The following MAN1A2 variants were observed in gnomAD, a reference collection of about 807,000 sequenced individuals.
MAN1A2 encodes mannosyl-oligosaccharide 1,2-alpha-mannosidase IB.
A neutral mutation model predicts 75.7 loss-of-function variants in MAN1A2; 26 were observed. That is an observed-to-expected ratio of 0.34 (90% CI 0.25 to 0.48). The LOEUF (loss-of-function observed/expected upper bound fraction) is 0.48, where lower values mean the gene tolerates loss of function less well. Among genes scored for constraint, MAN1A2 ranks in the 20% least tolerant of loss-of-function variants. The probability of loss-of-function intolerance (pLI) is 0.99; values close to 1 mark genes in which losing one functional copy is unlikely to be tolerated. For missense variants in MAN1A2, 562 were observed against 775.5 expected, an observed-to-expected ratio of 0.72 and a Z score of 3.27; for synonymous variants, 247 against 264.6, an observed-to-expected ratio of 0.93 and a Z score of 0.65.
intron 5 of MAN1A2, among the ~76,000 whole-genome samples, chr1:117,433,307 A>T (rs1355899472): frequency 6.6e-6 from 1 of 152,126 alleles, no homozygotes; most frequent in Admixed American, 6.5e-5. Flanking sequence ...TTCAAAATTT[A>T]AAAAAATCGA....
intron 9 of MAN1A2, among the ~76,000 whole-genome samples, chr1:117,496,212 T>A (rs762288679): frequency 2.0e-5 from 3 of 151,986 alleles, no homozygotes; most frequent in Non-Finnish European, 4.4e-5. Flanking sequence ...TGCTTATACT[T>A]TTCCATAGAA....
intron 1 of MAN1A2, among the ~76,000 whole-genome samples, chr1:117,392,766 C>CTA (rs976404543): frequency 1.3e-5 from 2 of 152,142 alleles, no homozygotes; most frequent in African/African-American, 4.8e-5. Flanking sequence ...GATAGGTGAC[C>CTA]TATACCTAAC....
chr1:117,468,511 A>G (rs1377948468), intron 8 of MAN1A2, among the ~76,000 whole-genome samples: 1 of 152,146 alleles, frequency 6.6e-6, no homozygotes, highest in Non-Finnish European at 1.5e-5. Context: ...AAAAGATCCT[A>G]TTATCTGTAT....
intron 12 of MAN1A2, among the ~76,000 whole-genome samples, chr1:117,507,382 T>C (rs1651405809): frequency 6.6e-6 from 1 of 151,656 alleles, no homozygotes; most frequent in Admixed American, 6.6e-5. Context: ...AACTTAGAAT[T>C]CTGGGTTTTT....
chr1:117,525,229 C>A lies in MAN1A2; in HGVS notation c.*2272C>A. 1 of 467,880 alleles carries A rather than the reference C, an allele frequency of 2.1e-6. No individual in the cohort carries two copies. Among genetic ancestry groups the A allele is most frequent in the South Asian group, 1.6e-5 (1 of 63,126 alleles). 29.0% of individuals were successfully genotyped at this position (467,880 alleles called of 1,614,324 possible). ...GTACAAACAAAGAATTTGACAGGGACAATGGAAGGGTCTTCTTCACCACTC... is the reference window on the plus strand; with the variant it reads ...GTACAAACAAAGAATTTGACAGGGAAAATGGAAGGGTCTTCTTCACCACTC... On this transcript the variant is annotated 3_prime_UTR_variant, in exon 13 of 13. Transcript: ENST00000356554.
intron 5 of MAN1A2, among the ~76,000 whole-genome samples, chr1:117,422,722 G>A (rs541321315): frequency 6.6e-6 from 1 of 151,862 alleles, no homozygotes; most frequent in African/African-American, 2.4e-5. Flanking sequence ...TGTATTTTTT[G>A]AATTAGCTGC....
chr1:117,463,521 A>ACC lies in MAN1A2; in HGVS notation c.1075-2812_1075-2811insCC, dbSNP rs1213510307. Among the ~76,000 whole-genome samples, 6 of 24,844 alleles carry ACC rather than the reference A, an allele frequency of 2.4e-4. 1 individual carries two copies. Among genetic ancestry groups the ACC allele is most frequent in the Admixed American group, 1.4e-3 (6 of 4,288 alleles). 16.3% of individuals were successfully genotyped at this position (24,844 alleles called of 152,430 possible). ...CAAGAAGGGAGAAACACACACATAC[A>ACC]CACACACACACACACACGAGGAACT... is the stretch of plus-strand genomic sequence containing the variant. On this transcript the variant is annotated intron_variant, in intron 7 of 12. Transcript: ENST00000356554.
chr1:117,374,601 TAGAA>T (rs1377074476), intron 1 of MAN1A2, among the ~76,000 whole-genome samples: 2 of 152,206 alleles, frequency 1.3e-5, no homozygotes, highest in Non-Finnish European at 2.9e-5. Context: ...CATTATATAT[TAGAA>T]AGAACATTGG....
At chr1:117,451,570 T>C (rs1050824560) in intron 6 of MAN1A2, among the ~76,000 whole-genome samples, 1 of 152,172 alleles carries the variant, frequency 6.6e-6, no homozygotes, top group Non-Finnish European at 1.5e-5. Flanking sequence ...TCAATTCCCA[T>C]GTGTTGTGGG....
intron 9 of MAN1A2, among the ~76,000 whole-genome samples, chr1:117,496,328 A>G (rs896051903): frequency 2.0e-5 from 3 of 152,004 alleles, no homozygotes; most frequent in Admixed American, 6.6e-5. Flanking sequence ...TGTGATTGTT[A>G]TACTCTGATA....
rs567454964 is a variant in MAN1A2 at position 117,395,056 on chromosome 1, C to T, written c.303-7130C>T. 7.2e-5 allele frequency among the ~76,000 whole-genome samples: 11 copies of T among 152,242 alleles called. No homozygotes were observed. The South Asian group carries it at 1.5e-3, about 20-fold the overall frequency. On this transcript the variant is annotated intron_variant, in intron 1 of 12. Transcript: ENST00000356554. ...TCCAAACATGATTCAAGAGCCACAG[C>T]GGCTTAAGCAAGATAGAAGTTAATT...
intron 1 of MAN1A2, among the ~76,000 whole-genome samples, chr1:117,395,669 T>C (rs61808998): frequency 0.25 from 38,273 of 152,114 alleles, 5,598 homozygotes; most frequent in East Asian, 0.48. Flanking sequence ...CACATTAAGA[T>C]ACAATTGAAA....
At chr1:117,433,315 C>G (rs557944104) in intron 5 of MAN1A2, among the ~76,000 whole-genome samples, 1 of 151,954 alleles carries the variant, frequency 6.6e-6, no homozygotes, top group African/African-American at 2.4e-5. Flanking sequence ...TTAAAAAAAT[C>G]GAAAATTGGA....
At chr1:117,501,864 GC>G (rs1008264315) in intron 11 of MAN1A2, among the ~76,000 whole-genome samples, 51 of 151,888 alleles carry the variant, frequency 3.4e-4, no homozygotes, top group African/African-American at 1.2e-3. Context: ...AAGTAACCAT[GC>G]CTTCATTGGA....
chr1:117,466,507 A>G (rs1412955428), intron 8 of MAN1A2, 80 bp downstream of exon 8: 4 of 906,426 alleles, frequency 4.4e-6, no homozygotes, highest in Non-Finnish European at 5.0e-6. Flanking sequence ...TAAAAAGTAC[A>G]CTACGTGGAG....
chr1:117,458,504 T>TATAG (rs1460287342), intron 6 of MAN1A2, among the ~76,000 whole-genome samples: 4 of 101,826 alleles, frequency 3.9e-5, no homozygotes, highest in South Asian at 3.7e-4. Context: ...TATCTATATA[T>TATAG]ATATATAGAT....
intron 12 of MAN1A2, among the ~76,000 whole-genome samples, chr1:117,503,269 G>A (rs975128): frequency 0.86 from 129,956 of 151,380 alleles, 55,999 homozygotes; most frequent in East Asian, 0.94. Context: ...CCACACTCAC[G>A]AAGTTTCAGT....
intron 1 of MAN1A2, among the ~76,000 whole-genome samples, chr1:117,393,801 C>A (rs79788253): frequency 1.6e-3 from 237 of 152,054 alleles, no homozygotes; most frequent in African/African-American, 5.3e-3. Flanking sequence ...AGACCTTATT[C>A]GGAAGAAGAT....
chr1:117,452,249 G>A (rs573667141), intron 6 of MAN1A2, among the ~76,000 whole-genome samples: 1 of 151,850 alleles, frequency 6.6e-6, no homozygotes, highest in Non-Finnish European at 1.5e-5. Context: ...GGAGGTTGCA[G>A]TGAGCTAAGA....
Sources: allele counts gnomAD v4.1 joint callset (sites outside exome capture counted in the v4.1 genomes callset), GRCh38; gene constraint gnomAD v4.1.1; transcripts MANE v1.5; gene names NCBI Gene and HGNC (gene_info 2026-07-23, HGNC 2026-07-21).